FIBCD1: variants seen among roughly 807,000 people sequenced by gnomAD.
The protein encoded by FIBCD1 is fibrinogen C domain containing 1.
In FIBCD1, 47 loss-of-function variants were observed where a neutral mutation model predicts 45.1. The observed-to-expected ratio is 1.04, with a 90% CI of 0.82 to 1.33. FIBCD1 has a LOEUF of 1.33. Among genes scored for constraint, FIBCD1 ranks in the 40% most tolerant of loss-of-function variants. The pLI is 0.00. For synonymous variants in FIBCD1, 313 were observed against 308.1 expected (o/e 1.02, Z -0.17); for missense variants, 653 against 682.2 (o/e 0.96, Z 0.48).
intron 4 of FIBCD1, 147 bp from the exon 5 acceptor site, chr9:130,912,035 C>T (rs1832063449): frequency 7.5e-6 from 5 of 662,948 alleles, no homozygotes; most frequent in East Asian, 5.5e-5. Context: ...CCACTTCCCG[C>T]AACGGCCCCT....
chr9:130,925,269 G>A (rs1832339241), intron 2 of FIBCD1, among the ~76,000 whole-genome samples: 1 of 152,200 alleles, frequency 6.6e-6, no homozygotes, highest in Non-Finnish European at 1.5e-5. Context: ...GGCCCCGAAA[G>A]AGCAATCCCT....
intron 4 of FIBCD1, among the ~76,000 whole-genome samples, chr9:130,919,126 G>A (rs932048561): frequency 6.6e-6 from 1 of 152,238 alleles, no homozygotes; most frequent in Admixed American, 6.5e-5. Flanking sequence ...GCTGAGCCAC[G>A]GCGGGCGCGG....
rs373694310 is a variant in FIBCD1 at position 130,904,327 on chromosome 9, C to T, written c.1127-4G>A. The T allele has an allele frequency of 3.1e-5, 49 of 1,601,854 alleles. No homozygotes were observed. Among genetic ancestry groups the T allele is most frequent in the South Asian group, 1.1e-4 (10 of 89,920 alleles). On this transcript the variant is annotated splice_polypyrimidine_tract_variant and splice_region_variant and intron_variant, in intron 6 of 6. Coordinates refer to ENST00000372338, the MANE Select transcript of FIBCD1 (RefSeq NM_032843.5). ...CTGTGCTTCAGGAGGGAGTCGCCTG[C>T]GCAGGGGTGCACACAGGTGTGGGCA... is the stretch of plus-strand genomic sequence containing the variant.
chr9:130,913,414 C>T (rs1160110926), intron 4 of FIBCD1, among the ~76,000 whole-genome samples: 3 of 152,260 alleles, frequency 2.0e-5, no homozygotes, highest in Non-Finnish European at 4.4e-5. Context: ...CTCGGAACTG[C>T]CCGGATGCCC....
At position 130,904,051 on chromosome 9, in the gene FIBCD1, A is replaced by G; in HGVS notation, c.*13T>C. On this transcript the variant is annotated 3_prime_UTR_variant, in exon 7 of 7. Coordinates refer to ENST00000372338, the MANE Select transcript of FIBCD1 (RefSeq NM_032843.5). ...GACAGGGACCAGCAGGGCCAAGGACAAGGTGCACCAGTCTAGCGGTCCTCC... is the reference window on the plus strand; with the variant it reads ...GACAGGGACCAGCAGGGCCAAGGACGAGGTGCACCAGTCTAGCGGTCCTCC... 1 of 1,611,188 alleles carries G rather than the reference A, an allele frequency of 6.2e-7. No individual in the cohort carries two copies.
At chr9:130,904,449 GCT>G (rs899349733) in intron 6 of FIBCD1, 126 bp from the exon 7 acceptor site, 3 of 1,352,926 alleles carry the variant, frequency 2.2e-6, no homozygotes, top group African/African-American at 1.5e-5. Context: ...GTACGCACGT[GCT>G]CTCACACATA....
At chr9:130,911,354 C>T (rs1564334056) in intron 5 of FIBCD1, among the ~76,000 whole-genome samples, 1 of 152,232 alleles carries the variant, frequency 6.6e-6, no homozygotes, top group South Asian at 2.1e-4. Context: ...CAATTCTGGA[C>T]ACACTCAGCA....
rs1257955894 is a variant in FIBCD1, at chr9:130,938,949, C to G, written c.-342G>C. ...TCTCAATCTCCGCATCTTTTCTGGTCTCGGACTCTCTTTGCTTTTTATTGC... is the reference window on the plus strand; with the variant it reads ...TCTCAATCTCCGCATCTTTTCTGGTGTCGGACTCTCTTTGCTTTTTATTGC... On this transcript the variant is annotated 5_prime_UTR_variant, in exon 1 of 7. Transcript: ENST00000372338. The G allele has an allele frequency of 6.6e-6, 1 of 152,294 alleles. No individual in the cohort carries two copies. 9.4% of individuals were successfully genotyped at this position (152,294 alleles called of 1,614,324 possible).
At chr9:130,909,380 A>G (rs1831996093) in intron 5 of FIBCD1, among the ~76,000 whole-genome samples, 1 of 152,006 alleles carries the variant, frequency 6.6e-6, no homozygotes, top group Admixed American at 6.6e-5. Flanking sequence ...CCCAGATGAC[A>G]CTCGGGGCAC....
rs540577507 is a variant in FIBCD1, at chr9:130,928,896, C to T, written c.552+671G>A. 2.6e-3 allele frequency among the ~76,000 whole-genome samples: 387 copies of T among 150,932 alleles called. 1 individual carries two copies. The highest frequency in any genetic ancestry group is 9.3e-3 in the African/African-American group (374 of 40,202). On this transcript the variant is annotated intron_variant, in intron 2 of 6. Coordinates refer to ENST00000372338, the MANE Select transcript of FIBCD1 (RefSeq NM_032843.5). ...GATGAGACGATCCCAAATCCCTCATCCTATGAAGGAGGAACTTCTTGTGGG... is the reference window on the plus strand; with the variant it reads ...GATGAGACGATCCCAAATCCCTCATTCTATGAAGGAGGAACTTCTTGTGGG...
intron 1 of FIBCD1, among the ~76,000 whole-genome samples, chr9:130,930,453 C>CGCGGGGAGAT (rs1193211536): frequency 6.6e-6 from 1 of 150,568 alleles, no homozygotes; most frequent in Non-Finnish European, 1.5e-5. Flanking sequence ...TGCGGGGAGA[C>CGCGGGGAGAT]GCAGGGAGAC....
intron 4 of FIBCD1, among the ~76,000 whole-genome samples, chr9:130,923,451 C>T (rs1322198825): frequency 6.6e-6 from 1 of 152,230 alleles, no homozygotes; most frequent in Non-Finnish European, 1.5e-5. Context: ...AGGCCCAAAC[C>T]CCGCCCCACC....
At chr9:130,910,738 G>A (rs1832022731) in intron 5 of FIBCD1, among the ~76,000 whole-genome samples, 1 of 152,052 alleles carries the variant, frequency 6.6e-6, no homozygotes, top group African/African-American at 2.4e-5. Flanking sequence ...TCAACACTCT[G>A]TATCTAGCTG....
chr9:130,917,279 C>T (rs1370170900), intron 4 of FIBCD1, among the ~76,000 whole-genome samples: 2 of 151,980 alleles, frequency 1.3e-5, no homozygotes, highest in Non-Finnish European at 2.9e-5. Flanking sequence ...GCAGATGCCA[C>T]GAGTGGGAAG....
At chr9:130,938,482 G>A in intron 1 of FIBCD1, 54 bp downstream of exon 1, 1 of 1,404,012 alleles carries the variant, frequency 7.1e-7, no homozygotes. Context: ...GCCGGCCCGA[G>A]CGGCCACCGC....
chr9:130,932,292 G>A (rs1832455166), intron 1 of FIBCD1, among the ~76,000 whole-genome samples: 1 of 152,222 alleles, frequency 6.6e-6, no homozygotes, highest in Admixed American at 6.5e-5. Context: ...CGGGGTGGAG[G>A]GGACATGCGC....
chr9:130,914,322 A>G (rs771066159), intron 4 of FIBCD1, among the ~76,000 whole-genome samples: 2 of 152,224 alleles, frequency 1.3e-5, no homozygotes, highest in Non-Finnish European at 2.9e-5. Context: ...GTCAGTGGAT[A>G]CGAGGTCACG....
intron 2 of FIBCD1, among the ~76,000 whole-genome samples, chr9:130,925,738 T>C (rs2133110154): frequency 6.6e-6 from 1 of 152,278 alleles, no homozygotes; most frequent in African/African-American, 2.4e-5. Context: ...CACCCTGGGC[T>C]TCAGGAGGCT....
chr9:130,905,161 G>T, intron 6 of FIBCD1, 73 bp downstream of exon 6: 2 of 1,432,370 alleles, frequency 1.4e-6, no homozygotes, highest in Non-Finnish European at 1.9e-6. Context: ...CATTTTGGAG[G>T]GCAGGACCTC....
Sources: allele counts gnomAD v4.1 joint callset (sites outside exome capture counted in the v4.1 genomes callset), GRCh38; gene constraint gnomAD v4.1.1; transcripts MANE v1.5; gene names NCBI Gene and HGNC (gene_info 2026-07-23, HGNC 2026-07-21).